EIF4EBP1: variants seen among roughly 807,000 people sequenced by gnomAD.
EIF4EBP1 encodes eukaryotic translation initiation factor 4E-binding protein 1.
EIF4EBP1 carries 5 observed loss-of-function variants against 9.2 expected under a neutral mutation model. That is an observed-to-expected ratio of 0.54 (90% CI 0.28 to 1.14). The LOEUF is 1.14. Among genes scored for constraint, EIF4EBP1 ranks in the 50% most tolerant of loss-of-function variants. The pLI is 0.09. For missense variants in EIF4EBP1, 139 were observed against 169.6 expected (o/e 0.82, Z 1.00); for synonymous variants, 62 against 67.0 (o/e 0.93, Z 0.36).
intron 1 of EIF4EBP1, among the ~76,000 whole-genome samples, chr8:38,051,793 C>T (rs1411414654): frequency 3.9e-5 from 6 of 151,982 alleles, no homozygotes; most frequent in East Asian, 3.9e-4. Context: ...GGCGGGATTT[C>T]GCCATGTTGG....
At chr8:38,035,803 G>A (rs1809292589) in intron 1 of EIF4EBP1, among the ~76,000 whole-genome samples, 1 of 151,900 alleles carries the variant, frequency 6.6e-6, no homozygotes, top group Non-Finnish European at 1.5e-5. Context: ...TCCACCTCCT[G>A]GGTTCAAGCA....
At chr8:38,048,381 A>G (rs775185556) in intron 1 of EIF4EBP1, among the ~76,000 whole-genome samples, 3 of 152,090 alleles carry the variant, frequency 2.0e-5, no homozygotes, top group Non-Finnish European at 4.4e-5. Flanking sequence ...ACTTTTATAT[A>G]TATATATTTT....
intron 1 of EIF4EBP1, among the ~76,000 whole-genome samples, chr8:38,045,813 C>G (rs1264082478): frequency 6.6e-6 from 1 of 151,954 alleles, no homozygotes; most frequent in Non-Finnish European, 1.5e-5. Context: ...AATTGTAGTT[C>G]CCTACAACCT....
rs1263453776 is a variant in EIF4EBP1 at position 38,060,174 on chromosome 8, G to GC, written c.*241dup. The GC allele has an allele frequency of 1.0e-5, 6 of 590,902 alleles. No homozygotes were observed. The highest frequency in any genetic ancestry group is 9.1e-6 in the Non-Finnish European group (3 of 330,292). The allele number at this position is 590,902 out of a possible 1,614,324, so 36.6% of individuals were successfully genotyped here. A position where few individuals can be genotyped will look rare whatever the true frequency, so the allele number is the denominator to read the frequency against. On this transcript the variant is annotated 3_prime_UTR_variant, in exon 3 of 3. Transcript: ENST00000338825. ...TGCCACCCCAAGGGGAGTGACCCCT[G>GC]CCAGCACACCCTGCAGCCAAGGGCC...
chr8:38,032,258 A>G (rs1164894564), intron 1 of EIF4EBP1, among the ~76,000 whole-genome samples: 1 of 141,788 alleles, frequency 7.1e-6, no homozygotes, highest in African/African-American at 3.1e-5. Flanking sequence ...CACACCTGTA[A>G]TGCCAGCATT....
intron 1 of EIF4EBP1, among the ~76,000 whole-genome samples, chr8:38,055,950 C>A (rs1206614617): frequency 2.6e-5 from 4 of 152,076 alleles, no homozygotes; most frequent in Admixed American, 6.6e-5. Context: ...GGGGGCCTCA[C>A]AAAGGAGGGG....
intron 1 of EIF4EBP1, among the ~76,000 whole-genome samples, chr8:38,045,387 C>T (rs1054140096): frequency 6.6e-6 from 1 of 152,080 alleles, no homozygotes; most frequent in Non-Finnish European, 1.5e-5. Context: ...AGTACAATGC[C>T]GTTGTTTTAC....
At chr8:38,052,434 A>T (rs547809743) in intron 1 of EIF4EBP1, among the ~76,000 whole-genome samples, 1 of 139,896 alleles carries the variant, frequency 7.1e-6, no homozygotes, top group Non-Finnish European at 1.5e-5. Context: ...TTAATTTTTT[A>T]AAAATTTTAG....
intron 1 of EIF4EBP1, among the ~76,000 whole-genome samples, chr8:38,031,201 T>A (rs1480270974): frequency 2.6e-5 from 4 of 152,190 alleles, no homozygotes; most frequent in Admixed American, 6.5e-5. Context: ...GCGCTCTGAC[T>A]GAGGTTCGGA....
intron 2 of EIF4EBP1, among the ~76,000 whole-genome samples, chr8:38,057,560 C>T (rs1809615667): frequency 6.6e-6 from 1 of 152,198 alleles, no homozygotes; most frequent in Non-Finnish European, 1.5e-5. Context: ...CAGCAACTTT[C>T]GTAAGCATGT....
At chr8:38,056,773 C>G (rs1175723836) in intron 1 of EIF4EBP1, among the ~76,000 whole-genome samples, 2 of 151,756 alleles carry the variant, frequency 1.3e-5, no homozygotes, top group Non-Finnish European at 2.9e-5. Context: ...AAGTGATTCT[C>G]CTGCCCCAGC....
intron 1 of EIF4EBP1, among the ~76,000 whole-genome samples, chr8:38,038,336 G>A (rs1316774508): frequency 2.0e-5 from 3 of 151,048 alleles, no homozygotes; most frequent in Non-Finnish European, 4.4e-5. Context: ...GTGAAACCCC[G>A]TCTCTACTAA....
chr8:38,040,205 C>A (rs1293690862), intron 1 of EIF4EBP1, among the ~76,000 whole-genome samples: 1 of 152,168 alleles, frequency 6.6e-6, no homozygotes, highest in Middle Eastern at 3.2e-3. Context: ...ACTGAACAAG[C>A]CAGTATTGGG....
Position 38,060,031 on chromosome 8 carries a change from G to A in EIF4EBP1, c.*96G>A. 8.5e-6 allele frequency: 11 copies of A among 1,292,242 alleles called. No homozygotes were observed. Among genetic ancestry groups the A allele is most frequent in the Non-Finnish European group, 1.0e-5 (9 of 887,946 alleles). 80.0% of individuals were successfully genotyped at this position (1,292,242 alleles called of 1,614,324 possible). On this transcript the variant is annotated 3_prime_UTR_variant, in exon 3 of 3. Transcript: ENST00000338825. ...AGGCCTTATGAAAGTGATCATACTGGGCAGGCGTTGGCGTGGGGTCGGACA... is the reference window on the plus strand; with the variant it reads ...AGGCCTTATGAAAGTGATCATACTGAGCAGGCGTTGGCGTGGGGTCGGACA...
At chr8:38,059,249 C>T (rs1230643309) in intron 2 of EIF4EBP1, among the ~76,000 whole-genome samples, 1 of 152,190 alleles carries the variant, frequency 6.6e-6, no homozygotes, top group Non-Finnish European at 1.5e-5. Flanking sequence ...GTGCTGTCCT[C>T]ATGATAGTGA....
intron 1 of EIF4EBP1, among the ~76,000 whole-genome samples, chr8:38,052,408 A>G (rs1328920424): frequency 7.0e-6 from 1 of 142,366 alleles, no homozygotes; most frequent in Admixed American, 6.8e-5. Flanking sequence ...CTCCAAGCGC[A>G]TGCCACCATG....
intron 1 of EIF4EBP1, among the ~76,000 whole-genome samples, chr8:38,034,651 G>T (rs1809275038): frequency 6.6e-6 from 1 of 152,194 alleles, no homozygotes; most frequent in East Asian, 1.9e-4. Context: ...CCCGTACCTG[G>T]ATAAGGTGAA....
At chr8:38,057,982 G>A (rs773035581) in intron 2 of EIF4EBP1, among the ~76,000 whole-genome samples, 15 of 152,228 alleles carry the variant, frequency 9.9e-5, no homozygotes, top group African/African-American at 1.9e-4. Flanking sequence ...ATTGGAACCC[G>A]CCGACCCTTC....
chr8:38,033,786 G>A (rs1449417987), intron 1 of EIF4EBP1, among the ~76,000 whole-genome samples: 10 of 122,900 alleles, frequency 8.1e-5, no homozygotes, highest in Admixed American at 1.1e-4. Context: ...TCGCTTTGTC[G>A]CCCAAGCTGG....
Sources: allele counts gnomAD v4.1 joint callset (sites outside exome capture counted in the v4.1 genomes callset), GRCh38; gene constraint gnomAD v4.1.1; transcripts MANE v1.5; gene names NCBI Gene and HGNC (gene_info 2026-07-23, HGNC 2026-07-21).